The following SIPA1L1 variants were observed in gnomAD, a reference collection of about 807,000 sequenced individuals.
The protein encoded by SIPA1L1 is signal induced proliferation associated 1 like 1.
SIPA1L1 carries 26 observed loss-of-function variants against 162.7 expected under a neutral mutation model. The ratio of observed to expected loss-of-function variants is 0.16; its 90% CI spans 0.12 to 0.22. The LOEUF is 0.22. Ranked by LOEUF, SIPA1L1 falls within the 10% of genes least tolerant of loss-of-function variation. SIPA1L1 has a pLI of 1.00. For synonymous variants in SIPA1L1, 829 were observed against 837.4 expected (o/e 0.99, Z 0.17); for missense variants, 1,874 against 2,241.0 (o/e 0.84, Z 3.31).
intron 4 of SIPA1L1, among the ~76,000 whole-genome samples, chr14:71,577,803 C>T (rs1180992987): frequency 7.0e-6 from 1 of 142,970 alleles, no homozygotes; most frequent in Middle Eastern, 3.6e-3. Flanking sequence ...CCGATGGCAG[C>T]TAATTCCAGC....
At chr14:71,378,585 A>G (rs960695311) in intron 2 of SIPA1L1, among the ~76,000 whole-genome samples, 2 of 152,166 alleles carry the variant, frequency 1.3e-5, no homozygotes, top group Non-Finnish European at 2.9e-5. Flanking sequence ...TAAATGTACC[A>G]TGTGCATTTG....
intron 2 of SIPA1L1, among the ~76,000 whole-genome samples, chr14:71,387,117 G>A (rs1022554870): frequency 2.0e-5 from 3 of 151,814 alleles, no homozygotes; most frequent in African/African-American, 7.3e-5. Flanking sequence ...GCATGGTGGC[G>A]CATGCCTGTA....
chr14:71,488,824 G>GA (rs747445295), intron 2 of SIPA1L1, among the ~76,000 whole-genome samples: 19 of 152,302 alleles, frequency 1.2e-4, no homozygotes, highest in Non-Finnish European at 2.5e-4. Flanking sequence ...GCACGCCACT[G>GA]AAAATATGCT....
At chr14:71,466,413 G>A (rs1415063900) in intron 2 of SIPA1L1, among the ~76,000 whole-genome samples, 1 of 152,144 alleles carries the variant, frequency 6.6e-6, no homozygotes, top group Non-Finnish European at 1.5e-5. Context: ...TTGTGCTTGT[G>A]TCTGTCTAAA....
rs763430543 is a variant in SIPA1L1, at chr14:71,650,268, T to G, written c.1819-67T>G. On this transcript the variant is annotated intron_variant, in intron 7 of 23. Transcript: ENST00000381232. ...CTGGGCATGTGCCCTATAGGACCTT[T>G]TAGCATTTGACTGGGACAAAGTGGA... 2.0e-6 allele frequency: 3 copies of G among 1,538,274 alleles called. No individual in the cohort carries two copies. In the Admixed American group the frequency reaches 5.0e-5, roughly 26 times the overall value.
At chr14:71,367,396 TC>T (rs2038413296) in intron 2 of SIPA1L1, among the ~76,000 whole-genome samples, 1 of 148,818 alleles carries the variant, frequency 6.7e-6, no homozygotes, top group African/African-American at 2.5e-5. Context: ...AAACTCCGCC[TC>T]CCGGGTTTCT....
rs1019346191 is a variant in SIPA1L1, at chr14:71,377,289, C to T, written c.-465+56108C>T. 6.6e-6 allele frequency among the ~76,000 whole-genome samples: 1 copy of T among 151,930 alleles called. No homozygotes were observed. Among genetic ancestry groups the T allele is most frequent in the African/African-American group, 2.4e-5 (1 of 41,326 alleles). On this transcript the variant is annotated intron_variant, in intron 2 of 23. Transcript: ENST00000381232. This position sits in a 1 kb window ranked among gnomAD's most constrained non-coding sequence, Gnocchi z 4.8. ...GGCGGCCGGACGGGGGCGTTCTCCA[C>T]TTCTCAGACAGGGCGGCTGCCGGGT...
rs181559404 is a variant in SIPA1L1, at chr14:71,636,756, A to G, written c.1818+12520A>G. On this transcript the variant is annotated intron_variant, in intron 7 of 23. Coordinates refer to ENST00000381232, the MANE Select transcript of SIPA1L1 (RefSeq NM_001386936.1). The stretch of plus-strand genomic sequence containing the variant: ...GGAAATTAATGAAATGAAAGGCTAG[A>G]TCTGGCCAGGCGAGGTGGCTCACGC... Among the ~76,000 whole-genome samples the G allele has an allele frequency of 2.0e-5, 3 of 152,318 alleles. No homozygotes were observed. The East Asian group carries it at 5.8e-4, about 29-fold the overall frequency.
intron 2 of SIPA1L1, among the ~76,000 whole-genome samples, chr14:71,375,679 G>A (rs950650076): frequency 6.6e-6 from 1 of 151,970 alleles, no homozygotes; most frequent in Non-Finnish European, 1.5e-5. Context: ...TCAGTCTTTT[G>A]CCTTTAAGTA....
At chr14:71,401,128 T>G (rs143535288) in intron 2 of SIPA1L1, among the ~76,000 whole-genome samples, 80 of 152,342 alleles carry the variant, frequency 5.3e-4, no homozygotes, top group African/African-American at 1.9e-3. Flanking sequence ...TCTTCTGATT[T>G]GTTGTTTAGC....
At chr14:71,534,193 A>G (rs186323358) in intron 4 of SIPA1L1, among the ~76,000 whole-genome samples, 61 of 152,352 alleles carry the variant, frequency 4.0e-4, no homozygotes, top group African/African-American at 1.3e-3. Flanking sequence ...TATTTTGGCA[A>G]TTGTAAGCCA....
intron 13 of SIPA1L1, among the ~76,000 whole-genome samples, chr14:71,689,581 A>G (rs1365420410): frequency 6.6e-6 from 1 of 152,226 alleles, no homozygotes; most frequent in East Asian, 1.9e-4. Flanking sequence ...ATGCTTATAA[A>G]AGTTGAGCTA....
Position 71,435,253 on chromosome 14 carries a change from G to A in SIPA1L1, c.-464-77490G>A, listed in dbSNP as rs151330987. Among the ~76,000 whole-genome samples the A allele has an allele frequency of 7.8e-3, 1,186 of 151,626 alleles. 9 individuals carry two copies. Among genetic ancestry groups the A allele is most frequent in the Non-Finnish European group, 0.012 (827 of 67,956 alleles). On this transcript the variant is annotated intron_variant, in intron 2 of 23. Coordinates refer to ENST00000381232, the MANE Select transcript of SIPA1L1 (RefSeq NM_001386936.1). Reference sequence around the variant, plus strand: ...AGGTTTGTTACATATATATACATGCGCCATGTTGGTGTGCTGCACCCATTA... The same window carrying A: ...AGGTTTGTTACATATATATACATGCACCATGTTGGTGTGCTGCACCCATTA...
intron 2 of SIPA1L1, among the ~76,000 whole-genome samples, chr14:71,450,621 A>G (rs1306844123): frequency 6.6e-6 from 1 of 152,216 alleles, no homozygotes; most frequent in African/African-American, 2.4e-5. Flanking sequence ...TATCAGAGAG[A>G]TGTAAATTAA....
At chr14:71,320,869 G>C (rs972066393) in intron 1 of SIPA1L1, among the ~76,000 whole-genome samples, 2 of 151,922 alleles carry the variant, frequency 1.3e-5, no homozygotes, top group East Asian at 3.9e-4. Flanking sequence ...GACAATAGTT[G>C]ATGCCCAAGG....
chr14:71,349,401 G>A (rs1314734619), intron 2 of SIPA1L1, among the ~76,000 whole-genome samples: 1 of 152,174 alleles, frequency 6.6e-6, no homozygotes, highest in East Asian at 1.9e-4. Context: ...GAAGGCAGGG[G>A]AAGTGACCTT....
chr14:71,424,788 T>A (rs991375547), intron 2 of SIPA1L1, among the ~76,000 whole-genome samples: 1 of 152,068 alleles, frequency 6.6e-6, no homozygotes, highest in Non-Finnish European at 1.5e-5. Flanking sequence ...AGATAATGAG[T>A]TAAGAAGTGT....
At chr14:71,506,366 GT>G (rs371268287) in intron 2 of SIPA1L1, among the ~76,000 whole-genome samples, 3,335 of 152,174 alleles carry the variant, frequency 0.022, 119 homozygotes, top group African/African-American at 0.076. Context: ...TGGAGACAGA[GT>G]TTTGCTCTTT....
At chr14:71,598,095 A>G in intron 5 of SIPA1L1, 1 of 462,512 alleles carries the variant, frequency 2.2e-6, no homozygotes, top group Non-Finnish European at 2.8e-6. Flanking sequence ...CCAGACACTG[A>G]ATAATATGTT....
Sources: allele counts gnomAD v4.1 joint callset (sites outside exome capture counted in the v4.1 genomes callset), GRCh38; gene constraint gnomAD v4.1.1; non-coding constraint Gnocchi (gnomAD v3.1); transcripts MANE v1.5; gene names NCBI Gene and HGNC (gene_info 2026-07-23, HGNC 2026-07-21).